The following GOLGA4 variants were observed in gnomAD, a reference collection of about 807,000 sequenced individuals.
The protein encoded by GOLGA4 is golgin A4, also known as golgin subfamily A member 4.
A neutral mutation model predicts 265.9 loss-of-function variants in GOLGA4; 169 were observed. That is an observed-to-expected ratio of 0.64 (90% CI 0.56 to 0.72). GOLGA4 has a LOEUF of 0.72. Ranked by LOEUF, GOLGA4 falls within the 30% of genes least tolerant of loss-of-function variation. The pLI is 0.00. For missense variants in GOLGA4, 2,482 were observed against 2,483.4 expected (o/e 1.00, Z 0.01); for synonymous variants, 923 against 855.8 (o/e 1.08, Z -1.37).
intron 10 of GOLGA4, among the ~76,000 whole-genome samples, chr3:37,307,940 A>G (rs1178965944): frequency 6.6e-6 from 1 of 152,210 alleles, no homozygotes; most frequent in Non-Finnish European, 1.5e-5. Context: ...TAAAGTGTAC[A>G]TGAAAATTTG....
Position 37,326,801 on chromosome 3 carries a change from G to T in GOLGA4, c.4915G>T (p.Glu1639Ter). ...LESESAAKLA[E>*]LKRKAEQKIA... The stretch of plus-strand genomic sequence containing the variant: ...GTCAGAAAGTGCTGCAAAATTAGCA[G>T]AGTTGAAGAGAAAAGCTGAACAAAA... The change falls in exon 14 of 24, where the codon GAG becomes TAG. Residue 1639 changes from glutamate (E) to a stop codon, truncating the protein, a stop_gained. Coordinates refer to ENST00000361924, the MANE Select transcript of GOLGA4 (RefSeq NM_002078.5). LOFTEE classifies it high-confidence loss of function. 6.2e-7 allele frequency: 1 copy of T among 1,613,820 alleles called. No homozygotes were observed. Among genetic ancestry groups the T allele is most frequent in the Non-Finnish European group, 8.5e-7 (1 of 1,179,824 alleles).
rs900463389 is a variant in GOLGA4 at position 37,287,209 on chromosome 3, C to T, written c.525+1148C>T. Among the ~76,000 whole-genome samples the T allele has an allele frequency of 2.6e-5, 4 of 152,074 alleles. No homozygotes were observed. In the South Asian group the frequency reaches 6.2e-4, roughly 24 times the overall value. On this transcript the variant is annotated intron_variant, in intron 4 of 23. Coordinates refer to ENST00000361924, the MANE Select transcript of GOLGA4 (RefSeq NM_002078.5). ...TACAAAAATCAGCCGGGTGTGGTGA[C>T]GGGCACCTGTAATCCCAGCTACTCG...
At chr3:37,275,768 G>A (rs1292237409) in intron 2 of GOLGA4, 2 of 1,613,434 alleles carry the variant, frequency 1.2e-6, no homozygotes, top group Admixed American at 1.7e-5. Context: ...TGGAGCATTG[G>A]ATTTGCTAAA....
At chr3:37,328,272 ACTCT>A (rs2096978652) in intron 14 of GOLGA4, 140 bp from the exon 15 acceptor site, 41 of 694,542 alleles carry the variant, frequency 5.9e-5, no homozygotes, top group Admixed American at 2.1e-4. Context: ...ACACACACTC[ACTCT>A]CACACTCTCT....
chr3:37,300,384 G>C (rs2096889494), intron 9 of GOLGA4, among the ~76,000 whole-genome samples: 1 of 152,090 alleles, frequency 6.6e-6, no homozygotes, highest in African/African-American at 2.4e-5. Flanking sequence ...TTAAGAACAT[G>C]TCAGAGCTGT....
intron 16 of GOLGA4, 30 bp from the exon 17 acceptor site, chr3:37,335,023 C>T (rs116578391): frequency 0.032 from 42,640 of 1,337,336 alleles, 911 homozygotes; most frequent in African/African-American, 0.057. Flanking sequence ...TTTTTCTTTT[C>T]CTTTTTTTCT....
chr3:37,295,417 C>T (rs2096875564), intron 6 of GOLGA4, among the ~76,000 whole-genome samples: 1 of 152,152 alleles, frequency 6.6e-6, no homozygotes, highest in African/African-American at 2.4e-5. Context: ...TGGGGTCTCA[C>T]TATGTCGCCC....
intron 21 of GOLGA4, among the ~76,000 whole-genome samples, chr3:37,349,260 G>T (rs571206911): frequency 2.0e-5 from 3 of 152,276 alleles, no homozygotes; most frequent in Non-Finnish European, 1.5e-5. Context: ...TCACTGTGCA[G>T]TAAGGAAGGG....
At chr3:37,350,873 C>A (rs1230193276) in intron 21 of GOLGA4, among the ~76,000 whole-genome samples, 1 of 152,032 alleles carries the variant, frequency 6.6e-6, no homozygotes, top group African/African-American at 2.4e-5. Context: ...TTCATCTGAG[C>A]CTTCAGCAAG....
Position 37,361,278 on chromosome 3 carries a change from C to G in GOLGA4, c.*6C>G. 1 of 1,612,896 alleles carries G rather than the reference C, an allele frequency of 6.2e-7. No individual in the cohort carries two copies. Reference sequence around the variant, plus strand: ...CTCGCAGTGGTATCTTCTGAGTAAACCATCAGTCTGTGCTTAGTTAACATG... The same window carrying G: ...CTCGCAGTGGTATCTTCTGAGTAAAGCATCAGTCTGTGCTTAGTTAACATG... On this transcript the variant is annotated 3_prime_UTR_variant, in exon 23 of 24. Coordinates refer to ENST00000361924, the MANE Select transcript of GOLGA4 (RefSeq NM_002078.5).
At chr3:37,283,197 CAAGAT>C (rs1258795694) in intron 3 of GOLGA4, among the ~76,000 whole-genome samples, 4 of 151,966 alleles carry the variant, frequency 2.6e-5, no homozygotes, top group Non-Finnish European at 4.4e-5. Flanking sequence ...ATGAAATATA[CAAGAT>C]AAGATATCTT....
At chr3:37,344,126 G>T (rs1245679436) in intron 20 of GOLGA4, among the ~76,000 whole-genome samples, 2 of 152,248 alleles carry the variant, frequency 1.3e-5, no homozygotes, top group African/African-American at 4.8e-5. Flanking sequence ...AAACTGGTCA[G>T]TGTCTCACTC....
chr3:37,286,405 G>T (rs954968634), intron 4 of GOLGA4, among the ~76,000 whole-genome samples: 1 of 150,544 alleles, frequency 6.6e-6, no homozygotes, highest in East Asian at 2.0e-4. Context: ...CACCCGCCTC[G>T]GCCTCCCAAA....
In GOLGA4 at chr3:37,298,852, A is replaced by G. The variant is rs769793932; in HGVS notation, c.834A>G (p.Val278=). The change falls in exon 8 of 24, where the codon GTA becomes GTG. Residue 278 remains valine, a synonymous_variant. Transcript: ENST00000361924. ...GEPVVEDGTS[V]KTLETLQQRV... The stretch of plus-strand genomic sequence containing the variant: ...TGTTAGTGGAAGATGGAACTTCTGT[A>G]AAAACACTGGAAACACTCCAGCAAA... 2 of 1,606,330 alleles carry G rather than the reference A, an allele frequency of 1.2e-6. 1 individual carries two copies. The highest frequency in any genetic ancestry group is 2.2e-5 in the South Asian group (2 of 88,906).
intron 2 of GOLGA4, among the ~76,000 whole-genome samples, chr3:37,256,678 C>T (rs900733683): frequency 2.0e-5 from 3 of 152,074 alleles, no homozygotes; most frequent in Admixed American, 6.5e-5. Context: ...CAGAGTAGGG[C>T]TTCCTGTCCT....
chr3:37,342,412 A>C (rs918555151), intron 20 of GOLGA4, among the ~76,000 whole-genome samples: 4 of 152,130 alleles, frequency 2.6e-5, no homozygotes, highest in Non-Finnish European at 5.9e-5. Context: ...AGTTCTTTAG[A>C]AGCCCCTGTG....
chr3:37,353,381 A>G (rs1037878249), intron 21 of GOLGA4, among the ~76,000 whole-genome samples: 3 of 152,116 alleles, frequency 2.0e-5, no homozygotes, highest in Non-Finnish European at 2.9e-5. Context: ...TGTGAAGCTC[A>G]GTAAAGTGAA....
intron 21 of GOLGA4, among the ~76,000 whole-genome samples, chr3:37,352,669 G>A (rs1397663962): frequency 1.3e-5 from 2 of 151,978 alleles, no homozygotes; most frequent in African/African-American, 2.4e-5. Flanking sequence ...GGGAATTAGG[G>A]CCTTGCTCTG....
intron 22 of GOLGA4, 26 bp from the exon 23 acceptor site, chr3:37,361,217 A>C: frequency 6.3e-7 from 1 of 1,580,602 alleles, no homozygotes; most frequent in Non-Finnish European, 8.7e-7. Context: ...TAACCCAATA[A>C]GCTTTTTTTC....
Sources: allele counts gnomAD v4.1 joint callset (sites outside exome capture counted in the v4.1 genomes callset), GRCh38; gene constraint gnomAD v4.1.1; transcripts MANE v1.5; gene names NCBI Gene and HGNC (gene_info 2026-07-23, HGNC 2026-07-21).